The following PIGF variants were observed in gnomAD, a reference collection of about 807,000 sequenced individuals.
The protein encoded by PIGF is GPI ethanolamine phosphate transferase, stabilizing subunit.
PIGF carries 23 observed loss-of-function variants against 26.0 expected under a neutral mutation model. The ratio of observed to expected loss-of-function variants is 0.88; its 90% confidence interval spans 0.64 to 1.25. The LOEUF is 1.25. Ranked by LOEUF, PIGF falls within the 50% of genes most tolerant of loss-of-function variation. The pLI is 0.00. For synonymous variants in PIGF, 93 were observed against 92.6 expected (o/e 1.00, Z -0.03); for missense variants, 278 against 249.9 (o/e 1.11, Z -0.76).
intron 4 of PIGF, among the ~76,000 whole-genome samples, chr2:46,611,083 T>G (rs1177355927): frequency 6.6e-6 from 1 of 152,230 alleles, no homozygotes; most frequent in Non-Finnish European, 1.5e-5. Flanking sequence ...TCTTTACTGA[T>G]GCTCTGTCCC....
At chr2:46,600,971 G>A (rs1168521469) in intron 4 of PIGF, among the ~76,000 whole-genome samples, 1 of 151,690 alleles carries the variant, frequency 6.6e-6, no homozygotes, top group Non-Finnish European at 1.5e-5. Flanking sequence ...GTTGTTCATT[G>A]CTTCCATGAT....
At chr2:46,608,408 T>G (rs1670291614) in intron 4 of PIGF, among the ~76,000 whole-genome samples, 1 of 152,210 alleles carries the variant, frequency 6.6e-6, no homozygotes, top group Non-Finnish European at 1.5e-5. Context: ...TCCACTGAAG[T>G]CCTGAACCTC....
At chr2:46,600,433 C>T (rs1218431510) in intron 4 of PIGF, among the ~76,000 whole-genome samples, 1 of 152,064 alleles carries the variant, frequency 6.6e-6, no homozygotes, top group Non-Finnish European at 1.5e-5. Flanking sequence ...TATTTATTAT[C>T]ATGAAAATTT....
At chr2:46,604,061 T>C (rs1179581134) in intron 4 of PIGF, among the ~76,000 whole-genome samples, 1 of 151,916 alleles carries the variant, frequency 6.6e-6, no homozygotes, top group African/African-American at 2.4e-5. Flanking sequence ...AAGATCTGAA[T>C]AGACATTTCT....
At chr2:46,611,432 C>T (rs534255756) in intron 4 of PIGF, among the ~76,000 whole-genome samples, 61 of 150,190 alleles carry the variant, frequency 4.1e-4, no homozygotes, top group African/African-American at 1.3e-3. Context: ...TGCAGTGAGC[C>T]GAAATCATGC....
At chr2:46,586,079 G>A (rs540061309) in intron 5 of PIGF, among the ~76,000 whole-genome samples, 2 of 152,212 alleles carry the variant, frequency 1.3e-5, no homozygotes, top group Admixed American at 6.5e-5. Flanking sequence ...CAGCCATAAA[G>A]CAATCATCTT....
chr2:46,588,119 C>A lies in PIGF; in HGVS notation c.546+4356G>T, dbSNP rs780697216. 43 of 1,610,272 alleles carry A rather than the reference C, an allele frequency of 2.7e-5. No homozygotes were observed. Among genetic ancestry groups the A allele is most frequent in the Non-Finnish European group, 3.6e-5 (43 of 1,178,212 alleles). ...GATTAAGTTACTCATTTCACAGTAC[C>A]AAGCCCCCTGCAGGGTACATGGAGA... On this transcript the variant is annotated intron_variant, in intron 5 of 5. Coordinates refer to ENST00000281382, the MANE Select transcript of PIGF (RefSeq NM_002643.4). This position sits in a 1 kb window ranked among gnomAD's most constrained non-coding sequence, Gnocchi z 4.1.
intron 4 of PIGF, among the ~76,000 whole-genome samples, chr2:46,604,988 T>A (rs995636615): frequency 5.3e-5 from 8 of 151,940 alleles, no homozygotes; most frequent in Non-Finnish European, 1.0e-4. Context: ...ATATCTACTA[T>A]GTAGACACAA....
At chr2:46,591,706 A>G (rs1669726529) in intron 5 of PIGF, 1 of 1,097,242 alleles carries the variant, frequency 9.1e-7, no homozygotes, top group South Asian at 2.0e-5. Context: ...AGATAAAGAT[A>G]CAGTCATCAC....
Position 46,592,600 on chromosome 2 carries a change from G to A in PIGF, c.438-17C>T. 7.6e-7 allele frequency: 1 copy of A among 1,316,878 alleles called. No individual in the cohort carries two copies. Among genetic ancestry groups the A allele is most frequent in the African/African-American group, 1.4e-5 (1 of 69,332 alleles). 81.6% of individuals were successfully genotyped at this position (1,316,878 alleles called of 1,614,324 possible). A position where few individuals can be genotyped will look rare whatever the true frequency, so the allele number is the denominator to read the frequency against. Reference sequence around the variant, plus strand: ...GATGTAACTCTGTGAAACACAAATTGGTACATCGTTGGTGGTATATACATG... The same window carrying A: ...GATGTAACTCTGTGAAACACAAATTAGTACATCGTTGGTGGTATATACATG... On this transcript the variant is annotated splice_polypyrimidine_tract_variant and intron_variant, in intron 4 of 5. Coordinates refer to ENST00000281382, the MANE Select transcript of PIGF (RefSeq NM_002643.4).
rs576489985 is a variant in PIGF at position 46,581,447 on chromosome 2, C to G, written c.*31G>C. 1.2e-6 allele frequency: 2 copies of G among 1,601,824 alleles called. No individual in the cohort carries two copies. The highest frequency in any genetic ancestry group is 2.2e-5 in the East Asian group (1 of 44,460). ...CATTTCTGCCCAGCCCTTACAGAAT[C>G]TGCACAAAGAAATATCTCCCTTTGC... On this transcript the variant is annotated 3_prime_UTR_variant, in exon 6 of 6. Transcript: ENST00000281382.
chr2:46,616,231 T>A (rs570278106), intron 1 of PIGF: 1 of 152,282 alleles, frequency 6.6e-6, no homozygotes, highest in African/African-American at 2.4e-5. Context: ...TACAGCCATC[T>A]CTCTGGTATA....
intron 5 of PIGF, among the ~76,000 whole-genome samples, chr2:46,591,100 G>A (rs1432850572): frequency 1.3e-5 from 2 of 152,148 alleles, no homozygotes; most frequent in African/African-American, 4.8e-5. Flanking sequence ...GTATAAGTAT[G>A]ATAATGACCA....
chr2:46,614,778 C>A (rs1181837475), intron 2 of PIGF, 159 bp downstream of exon 2: 3 of 556,260 alleles, frequency 5.4e-6, no homozygotes, highest in Non-Finnish European at 9.8e-6. Flanking sequence ...TTGTGGGCAG[C>A]CTTCCACCAA....
chr2:46,587,800 A>G (rs1485441068), intron 5 of PIGF, among the ~76,000 whole-genome samples: 14 of 152,214 alleles, frequency 9.2e-5, no homozygotes, highest in Admixed American at 9.2e-4. Context: ...TACAGACACC[A>G]CCACAACGGT....
chr2:46,611,676 T>C lies in PIGF; in HGVS notation c.437+552A>G, dbSNP rs187413758. Among the ~76,000 whole-genome samples, 218 of 152,206 alleles carry C rather than the reference T, an allele frequency of 1.4e-3. 1 individual carries two copies. Among genetic ancestry groups the C allele is most frequent in the African/African-American group, 4.9e-3 (203 of 41,504 alleles). ...CTGGTGCATATCATTTAAATGACTT[T>C]CAAGAAGCTAAAATTTTAACTTAGC... On this transcript the variant is annotated intron_variant, in intron 4 of 5. Transcript: ENST00000281382.
chr2:46,612,256 C>G lies in PIGF; in HGVS notation c.409G>C (p.Ala137Pro), dbSNP rs776331352. 2 of 1,396,810 alleles carry G rather than the reference C, an allele frequency of 1.4e-6. No homozygotes were observed. The highest frequency in any genetic ancestry group is 2.6e-5 in the Admixed American group (1 of 38,208). The allele number at this position is 1,396,810 out of a possible 1,614,324, so 86.5% of individuals were successfully genotyped here. A position where few individuals can be genotyped will look rare whatever the true frequency, so the allele number is the denominator to read the frequency against. The stretch of plus-strand genomic sequence containing the variant: ...TTTCTACTGAACACTCTTAGCCATG[C>G]TTTGAGGTTTGGTCCTAACAAACAT... ...CLCLLGPNLK[A>P]WLRVFSRNGV... Residue 137 changes from alanine to proline, a missense_variant, in exon 4 of 6, where the codon GCA becomes CCA. Ala to Pro is a conservative substitution (Grantham distance 27). Transcript: ENST00000281382.
chr2:46,601,647 A>AT (rs989488902), intron 4 of PIGF, among the ~76,000 whole-genome samples: 13 of 152,000 alleles, frequency 8.6e-5, no homozygotes, highest in Admixed American at 7.9e-4. Context: ...TTGCCACTAA[A>AT]TTTTTTGCCC....
intron 4 of PIGF, among the ~76,000 whole-genome samples, chr2:46,607,281 T>C (rs1481276833): frequency 6.6e-6 from 1 of 152,200 alleles, no homozygotes; most frequent in African/African-American, 2.4e-5. Context: ...TAACTCACAA[T>C]AGGCAACCCT....
Sources: allele counts gnomAD v4.1 joint callset (sites outside exome capture counted in the v4.1 genomes callset), GRCh38; gene constraint gnomAD v4.1.1; non-coding constraint Gnocchi (gnomAD v3.1); transcripts MANE v1.5; gene names NCBI Gene and HGNC (gene_info 2026-07-23, HGNC 2026-07-21).